Variants in SPAG16 observed in about 807,000 individuals in gnomAD.
SPAG16 encodes the protein sperm associated antigen 16, also known as sperm-associated antigen 16 protein.
Under a neutral mutation model 80.4 loss-of-function variants are expected in SPAG16, and 86 were observed. That is an observed-to-expected ratio of 1.07 (90% confidence interval 0.90 to 1.28). SPAG16 has a LOEUF of 1.28. SPAG16 is among the 50% of genes most tolerant of loss of function. SPAG16 has a pLI of 0.00. For synonymous variants in SPAG16, 294 were observed against 265.9 expected (o/e 1.11, Z -1.03); for missense variants, 870 against 765.3 (o/e 1.14, Z -1.61).
intron 15 of SPAG16, among the ~76,000 whole-genome samples, chr2:214,302,837 A>G (rs1044571445): frequency 1.3e-5 from 2 of 152,204 alleles, no homozygotes; most frequent in African/African-American, 4.8e-5. Flanking sequence ...TATGATAGTT[A>G]AATTTTCTTG....
chr2:214,184,109 A>C (rs2057394482), intron 15 of SPAG16, among the ~76,000 whole-genome samples: 1 of 152,122 alleles, frequency 6.6e-6, no homozygotes, highest in Non-Finnish European at 1.5e-5. Flanking sequence ...TTTGCCAACC[A>C]TATATCATAT....
At chr2:213,380,144 C>T (rs1575430367) in intron 9 of SPAG16, among the ~76,000 whole-genome samples, 2 of 152,302 alleles carry the variant, frequency 1.3e-5, no homozygotes, top group South Asian at 4.1e-4. Context: ...AGCCGTAAGT[C>T]AGCATATAAT....
At chr2:214,361,295 C>G (rs1438715430) in intron 15 of SPAG16, among the ~76,000 whole-genome samples, 4 of 151,932 alleles carry the variant, frequency 2.6e-5, no homozygotes. Context: ...TGTGTGCTTT[C>G]TTGATTTGCT....
intron 15 of SPAG16, among the ~76,000 whole-genome samples, chr2:214,335,147 C>T (rs895052366): frequency 6.6e-6 from 1 of 152,114 alleles, no homozygotes; most frequent in African/African-American, 2.4e-5. Flanking sequence ...TGTTCCAGAT[C>T]AAGAATGTGA....
At chr2:214,213,985 C>T (rs1331327280) in intron 15 of SPAG16, among the ~76,000 whole-genome samples, 1 of 152,100 alleles carries the variant, frequency 6.6e-6, no homozygotes, top group African/African-American at 2.4e-5. Context: ...TAAGGTGAAA[C>T]TCTATTTATA....
At chr2:213,546,148 C>A (rs2076605412) in intron 10 of SPAG16, among the ~76,000 whole-genome samples, 1 of 152,086 alleles carries the variant, frequency 6.6e-6, no homozygotes, top group South Asian at 2.1e-4. Context: ...CTTAAACAGA[C>A]TAGTCAATTT....
At chr2:214,135,878 G>A (rs1430306100) in intron 14 of SPAG16, among the ~76,000 whole-genome samples, 2 of 152,100 alleles carry the variant, frequency 1.3e-5, no homozygotes, top group Non-Finnish European at 2.9e-5. Context: ...ATAGTCTGCC[G>A]ACTGCAGGAA....
chr2:214,365,506 A>G (rs559584204), intron 15 of SPAG16, among the ~76,000 whole-genome samples: 3 of 152,176 alleles, frequency 2.0e-5, no homozygotes, highest in Non-Finnish European at 4.4e-5. Context: ...ATGTAACCCT[A>G]TGAATTTTAA....
chr2:214,256,846 G>A (rs536171484), intron 15 of SPAG16, among the ~76,000 whole-genome samples: 31 of 151,788 alleles, frequency 2.0e-4, no homozygotes, highest in African/African-American at 7.5e-4. Flanking sequence ...AAAGTCAAAC[G>A]GTTAGAAGTC....
At chr2:214,364,579 C>T (rs1232039799) in intron 15 of SPAG16, among the ~76,000 whole-genome samples, 1 of 152,108 alleles carries the variant, frequency 6.6e-6, no homozygotes, top group Non-Finnish European at 1.5e-5. Context: ...GGTGAATCAG[C>T]ACAGGGTTGG....
intron 13 of SPAG16, among the ~76,000 whole-genome samples, chr2:214,107,845 A>G (rs927539630): frequency 3.9e-5 from 6 of 152,186 alleles, no homozygotes; most frequent in Non-Finnish European, 7.3e-5. Context: ...TGTGCTGAAA[A>G]TAACAGCTTT....
intron 13 of SPAG16, among the ~76,000 whole-genome samples, chr2:214,049,212 A>G (rs2049507501): frequency 6.6e-6 from 1 of 152,230 alleles, no homozygotes; most frequent in South Asian, 2.1e-4. Context: ...GAAAAAGCTT[A>G]TCTCAATTGA....
intron 10 of SPAG16, among the ~76,000 whole-genome samples, chr2:213,685,669 A>T (rs1434955163): frequency 6.6e-6 from 1 of 152,256 alleles, no homozygotes; most frequent in Non-Finnish European, 1.5e-5. Flanking sequence ...AGGCAGGGAC[A>T]AGACAATAGG....
chr2:214,057,189 T>C (rs912443992), intron 13 of SPAG16, among the ~76,000 whole-genome samples: 11 of 151,930 alleles, frequency 7.2e-5, no homozygotes, highest in Non-Finnish European at 1.6e-4. Flanking sequence ...TTTTTTTTTT[T>C]TTTTTTTACC....
intron 10 of SPAG16, among the ~76,000 whole-genome samples, chr2:213,493,065 A>G (rs1383400502): frequency 1.3e-5 from 2 of 152,220 alleles, no homozygotes; most frequent in East Asian, 3.8e-4. Flanking sequence ...AAACTACAAA[A>G]TAGTGAATAA....
chr2:213,730,505 A>C (rs2066982273), intron 10 of SPAG16, among the ~76,000 whole-genome samples: 1 of 152,180 alleles, frequency 6.6e-6, no homozygotes. Context: ...CAATACTTTC[A>C]ATAACTCACT....
intron 10 of SPAG16, among the ~76,000 whole-genome samples, chr2:213,707,705 A>G (rs1248399771): frequency 6.6e-6 from 1 of 152,158 alleles, no homozygotes; most frequent in Non-Finnish European, 1.5e-5. Flanking sequence ...ATGAGAGACT[A>G]TCTTGACTCT....
chr2:214,070,870 G>A (rs1332449198), intron 13 of SPAG16, among the ~76,000 whole-genome samples: 2 of 151,836 alleles, frequency 1.3e-5, no homozygotes, highest in Non-Finnish European at 2.9e-5. Flanking sequence ...ATCTGTCATT[G>A]CCCAGGGCTT....
At chr2:213,677,222 T>C (rs2064130730) in intron 10 of SPAG16, among the ~76,000 whole-genome samples, 1 of 150,986 alleles carries the variant, frequency 6.6e-6, no homozygotes, top group Non-Finnish European at 1.5e-5. Context: ...ATGAGCAAAA[T>C]AACCAGCTAA....
Sources: allele counts gnomAD v4.1 joint callset (sites outside exome capture counted in the v4.1 genomes callset), GRCh38; gene constraint gnomAD v4.1.1; transcripts MANE v1.5; gene names NCBI Gene and HGNC (gene_info 2026-07-23, HGNC 2026-07-21).